STAU2: variants seen among roughly 807,000 people sequenced by gnomAD.
STAU2 encodes staufen double-stranded RNA binding protein 2.
Under a neutral mutation model 65.9 loss-of-function variants are expected in STAU2, and 20 were observed. That is an observed-to-expected ratio of 0.30 (90% confidence interval 0.21 to 0.44). STAU2 has a LOEUF of 0.44. Ranked by LOEUF, STAU2 falls within the 20% of genes least tolerant of loss-of-function variation. The probability of loss-of-function intolerance (pLI) is 1.00; values close to 1 mark genes in which losing one functional copy is unlikely to be tolerated. For synonymous variants in STAU2, 232 were observed against 233.9 expected (o/e 0.99, Z 0.07); for missense variants, 558 against 683.9 (o/e 0.82, Z 2.05).
chr8:73,456,907 A>G (rs1420831417), intron 13 of STAU2, among the ~76,000 whole-genome samples: 4 of 152,232 alleles, frequency 2.6e-5, no homozygotes, highest in African/African-American at 9.6e-5. Context: ...GTACCGAGTA[A>G]CAACATTTAC....
chr8:73,662,758 A>G (rs1343959296), intron 6 of STAU2, among the ~76,000 whole-genome samples: 1 of 152,122 alleles, frequency 6.6e-6, no homozygotes, highest in Non-Finnish European at 1.5e-5. Context: ...CTGGGGTTAC[A>G]GGCATGCGCC....
intron 6 of STAU2, among the ~76,000 whole-genome samples, chr8:73,647,605 G>A (rs1815491173): frequency 6.7e-6 from 1 of 149,140 alleles, no homozygotes; most frequent in Admixed American, 6.7e-5. Flanking sequence ...TTTGGAGACA[G>A]TCTCACTCTG....
At chr8:73,650,749 C>T (rs934464747) in intron 6 of STAU2, among the ~76,000 whole-genome samples, 3 of 152,106 alleles carry the variant, frequency 2.0e-5, no homozygotes, top group African/African-American at 7.2e-5. Context: ...CTGTGCAATC[C>T]TATTTCTTTT....
intron 13 of STAU2, among the ~76,000 whole-genome samples, chr8:73,460,218 G>A (rs552872598): frequency 6.6e-6 from 1 of 152,218 alleles, no homozygotes; most frequent in Non-Finnish European, 1.5e-5. Context: ...CGGAATAGCT[G>A]TGGTCTCTAT....
chr8:73,733,694 G>T (rs995656161), intron 3 of STAU2, among the ~76,000 whole-genome samples: 2 of 151,744 alleles, frequency 1.3e-5, no homozygotes, highest in African/African-American at 4.8e-5. Flanking sequence ...ATCCACAAAA[G>T]GCAAAACACG....
intron 3 of STAU2, among the ~76,000 whole-genome samples, chr8:73,717,607 C>G (rs749631284): frequency 6.7e-6 from 1 of 149,496 alleles, no homozygotes; most frequent in Non-Finnish European, 1.5e-5. Context: ...TCTGTTTCCA[C>G]TGATCTATTT....
chr8:73,464,044 T>C (rs918567521), intron 13 of STAU2, among the ~76,000 whole-genome samples: 4 of 152,194 alleles, frequency 2.6e-5, no homozygotes, highest in African/African-American at 4.8e-5. Flanking sequence ...GGTAAAGAAT[T>C]TGGATTTCGA....
intron 13 of STAU2, among the ~76,000 whole-genome samples, chr8:73,438,633 G>A (rs963591032): frequency 2.6e-5 from 4 of 152,172 alleles, no homozygotes; most frequent in South Asian, 2.1e-4. Context: ...AAACGGATTC[G>A]GGCTCAAAAC....
intron 6 of STAU2, among the ~76,000 whole-genome samples, chr8:73,664,666 G>T (rs1394307809): frequency 6.6e-6 from 1 of 151,702 alleles, no homozygotes; most frequent in Non-Finnish European, 1.5e-5. Flanking sequence ...ATTTAAATTC[G>T]GCTGAATTTA....
intron 6 of STAU2, chr8:73,669,125 A>G: frequency 2.9e-6 from 2 of 701,690 alleles, no homozygotes; most frequent in Non-Finnish European, 5.2e-6. Flanking sequence ...AAATTAAAAT[A>G]AATATGAGAA....
chr8:73,493,741 G>A (rs1346342178), intron 13 of STAU2, among the ~76,000 whole-genome samples: 1 of 151,628 alleles, frequency 6.6e-6, no homozygotes, highest in Non-Finnish European at 1.5e-5. Flanking sequence ...TCCACCTCTA[G>A]GGATTGATGC....
At chr8:73,663,254 C>G (rs893442894) in intron 6 of STAU2, among the ~76,000 whole-genome samples, 1 of 152,174 alleles carries the variant, frequency 6.6e-6, no homozygotes, top group Non-Finnish European at 1.5e-5. Context: ...CTGACACACA[C>G]TAGAATTTCA....
At chr8:73,704,328 A>G (rs757722699) in intron 4 of STAU2, among the ~76,000 whole-genome samples, 1 of 152,234 alleles carries the variant, frequency 6.6e-6, no homozygotes, top group Non-Finnish European at 1.5e-5. Flanking sequence ...CCAAAGAGAC[A>G]TAGCCACCAA....
Position 73,688,666 on chromosome 8 carries a change from T to C in STAU2, c.262A>G (p.Asn88Asp), listed in dbSNP as rs909117182. The change falls in exon 5 of 15, where the codon AAC becomes GAC. Residue 88 changes from asparagine to aspartate, a missense_variant. Coordinates refer to ENST00000524300, the MANE Select transcript of STAU2 (RefSeq NM_001164380.2). ...PVQKPPKSNVNNNPGSITPTV... is the reference protein window; with the variant it reads ...PVQKPPKSNVDNNPGSITPTV... ...GTCACTGCCATACCTGGGTTATTGTTAACATTACTTTTGGGTGGCTTCTGA... is the reference window on the plus strand; with the variant it reads ...GTCACTGCCATACCTGGGTTATTGTCAACATTACTTTTGGGTGGCTTCTGA... 8 of 1,614,024 alleles carry C rather than the reference T, an allele frequency of 5.0e-6. No homozygotes were observed. In the Admixed American group the frequency reaches 1.2e-4, roughly 24 times the overall value.
chr8:73,472,596 C>A (rs1048291438), intron 13 of STAU2, among the ~76,000 whole-genome samples: 10 of 151,930 alleles, frequency 6.6e-5, no homozygotes, highest in African/African-American at 2.4e-4. Flanking sequence ...GGCTTAAGTG[C>A]CATTTAAAAT....
At chr8:73,560,627 A>C (rs530164580) in intron 12 of STAU2, among the ~76,000 whole-genome samples, 46 of 152,354 alleles carry the variant, frequency 3.0e-4, no homozygotes, top group African/African-American at 1.0e-3. Context: ...TGAACACAGT[A>C]CCAACGGGAA....
intron 12 of STAU2, among the ~76,000 whole-genome samples, chr8:73,570,952 G>A (rs1809033738): frequency 6.6e-6 from 1 of 152,142 alleles, no homozygotes; most frequent in African/African-American, 2.4e-5. Flanking sequence ...CAGACTGGCA[G>A]TTTGGATAAA....
chr8:73,630,411 T>C (rs1261570873), intron 6 of STAU2, among the ~76,000 whole-genome samples: 1 of 152,252 alleles, frequency 6.6e-6, no homozygotes, highest in Non-Finnish European at 1.5e-5. Flanking sequence ...CCAGTCTGAC[T>C]ACCACACATA....
intron 1 of STAU2, among the ~76,000 whole-genome samples, chr8:73,746,462 C>T (rs1807289706): frequency 6.6e-6 from 1 of 151,946 alleles, no homozygotes; most frequent in Non-Finnish European, 1.5e-5. Context: ...CGCACCCCCA[C>T]TTGGCCCGGC....
Sources: gnomAD v4.1 joint callset for allele counts (sites outside exome capture counted in the v4.1 genomes callset) on GRCh38, gnomAD v4.1.1 for gene constraint, MANE v1.5 for transcripts, NCBI Gene and HGNC (gene_info 2026-07-23, HGNC 2026-07-21) for gene names.